MED21: variants seen among roughly 807,000 people sequenced by gnomAD.
MED21 encodes the protein mediator of RNA polymerase II transcription subunit 21.
A neutral mutation model predicts 18.2 loss-of-function variants in MED21; 9 were observed. The ratio of observed to expected loss-of-function variants is 0.49; its 90% confidence interval spans 0.30 to 0.86. The LOEUF (loss-of-function observed/expected upper bound fraction) is 0.86. Ranked by LOEUF, MED21 falls within the 40% of genes least tolerant of loss-of-function variation. The pLI is 0.07. For synonymous variants in MED21, 73 were observed against 60.5 expected, an observed-to-expected ratio of 1.21 and a Z score of -0.96; for missense variants, 150 against 170.9, an observed-to-expected ratio of 0.88 and a Z score of 0.68.
At chr12:27,025,108 T>G (rs1015813955) in intron 1 of MED21, among the ~76,000 whole-genome samples, 16 of 152,238 alleles carry the variant, frequency 1.1e-4, no homozygotes, top group African/African-American at 3.9e-4. Context: ...ATGGAAAAGA[T>G]AGACACTGTG....
chr12:27,036,725 G>T (rs1054733798), intron 2 of MED21, among the ~76,000 whole-genome samples: 1 of 152,114 alleles, frequency 6.6e-6, no homozygotes, highest in African/African-American at 2.4e-5. Flanking sequence ...TTTTTCTCAG[G>T]TTTGTCAAAG....
rs559859993 is a variant in MED21 at position 27,029,828 on chromosome 12, C to T, written c.*1367C>T. On this transcript the variant is annotated 3_prime_UTR_variant, in exon 4 of 4. Transcript: ENST00000282892. ...CAGTCAGAAAACTTATTCAAAGTACCTAAGTATTATAAAGGAGTCAAAAAG... is the reference window on the plus strand; with the variant it reads ...CAGTCAGAAAACTTATTCAAAGTACTTAAGTATTATAAAGGAGTCAAAAAG... The T allele has an allele frequency of 3.0e-6, 3 of 1,000,426 alleles. No homozygotes were observed. Among genetic ancestry groups the T allele is most frequent in the African/African-American group, 1.7e-5 (1 of 58,010 alleles). 62.0% of individuals were successfully genotyped at this position (1,000,426 alleles called of 1,614,324 possible). A position where few individuals can be genotyped will look rare whatever the true frequency, so the allele number is the denominator to read the frequency against.
chr12:27,023,300 CTTTTT>C (rs71437317), intron 1 of MED21, among the ~76,000 whole-genome samples: 23 of 110,438 alleles, frequency 2.1e-4, no homozygotes, highest in Non-Finnish European at 3.6e-4. Flanking sequence ...TTTTTCTTTT[CTTTTT>C]TTTTTTTTTT....
downstream of MED21, among the ~76,000 whole-genome samples, chr12:27,032,288 C>A (rs1318396036): frequency 6.6e-6 from 1 of 152,106 alleles, no homozygotes; most frequent in East Asian, 1.9e-4. Context: ...TGAATTTCAA[C>A]TTGGGGGCTG....
chr12:27,035,874 T>C (rs1357583078), intron 2 of MED21, among the ~76,000 whole-genome samples: 1 of 151,868 alleles, frequency 6.6e-6, no homozygotes, highest in Non-Finnish European at 1.5e-5. Flanking sequence ...GTCTTTGCTA[T>C]TGTGAATAGT....
At chr12:27,027,930 T>G (rs1941566257) in intron 3 of MED21, among the ~76,000 whole-genome samples, 1 of 152,226 alleles carries the variant, frequency 6.6e-6, no homozygotes, top group African/African-American at 2.4e-5. Context: ...ATAGCACCTT[T>G]TGTTATAATA....
At chr12:27,035,589 TC>T (rs1295400000), downstream of MED21, among the ~76,000 whole-genome samples, 1 of 61,140 alleles carries the variant, frequency 1.6e-5, no homozygotes, top group South Asian at 7.1e-4. Flanking sequence ...CCCTCCCCCC[TC>T]CCCCCACCCC....
At chr12:27,025,096 G>T (rs1004410511) in intron 1 of MED21, among the ~76,000 whole-genome samples, 1 of 152,186 alleles carries the variant, frequency 6.6e-6, no homozygotes, top group African/African-American at 2.4e-5. Flanking sequence ...AGCTTTTGAA[G>T]GATGGAAAAG....
Position 27,029,227 on chromosome 12 carries a change from G to T in MED21, c.*766G>T. On this transcript the variant is annotated 3_prime_UTR_variant, in exon 4 of 4. Coordinates refer to ENST00000282892, the MANE Select transcript of MED21 (RefSeq NM_004264.5). ...CTTTCTCATTCTCCATTTATCTGAAGGTTCTTTTGCCCTTATTAACCTCTC... is the reference window on the plus strand; with the variant it reads ...CTTTCTCATTCTCCATTTATCTGAATGTTCTTTTGCCCTTATTAACCTCTC... 1 of 985,050 alleles carries T rather than the reference G, an allele frequency of 1.0e-6. No individual in the cohort carries two copies. Among genetic ancestry groups the T allele is most frequent in the Non-Finnish European group, 1.2e-6 (1 of 829,844 alleles). 61.0% of individuals were successfully genotyped at this position (985,050 alleles called of 1,614,324 possible).
chr12:27,038,134 TATAAG>T (rs1301784386), intron 2 of MED21: 2 of 152,132 alleles, frequency 1.3e-5, no homozygotes, highest in Non-Finnish European at 1.5e-5. Flanking sequence ...AAATAAAAAT[TATAAG>T]ATAAAAAGGA....
chr12:27,025,458 AAAAT>A (rs1224479520), intron 1 of MED21, among the ~76,000 whole-genome samples: 1 of 152,218 alleles, frequency 6.6e-6, no homozygotes, highest in Admixed American at 6.5e-5. Flanking sequence ...TGATCAGGTT[AAAAT>A]AAATAACCTG....
rs2136490054 is a variant in MED21, at chr12:27,029,422, C to T, written c.*961C>T. On this transcript the variant is annotated 3_prime_UTR_variant, in exon 4 of 4. Transcript: ENST00000282892. ...TCTTTGAGTCTACTGATAATCTCCA[C>T]TGGAAAGGTGGAATTGAAATGTGGT... 2 of 985,428 alleles carry T rather than the reference C, an allele frequency of 2.0e-6. No individual in the cohort carries two copies. The highest frequency in any genetic ancestry group is 1.1e-4 in the East Asian group (1 of 8,822). 61.0% of individuals were successfully genotyped at this position (985,428 alleles called of 1,614,324 possible).
At position 27,030,261 on chromosome 12, in the gene MED21, C is replaced by A; in HGVS notation, c.*1800C>A. ...CCTCCCACTTCAGCCTCTTCAGTAA[C>A]TGGGACTACAGGCATGTACTACCAC... On this transcript the variant is annotated 3_prime_UTR_variant, in exon 4 of 4. Coordinates refer to ENST00000282892, the MANE Select transcript of MED21 (RefSeq NM_004264.5). The A allele has an allele frequency of 1.7e-6, 1 of 588,434 alleles. No homozygotes were observed. Among genetic ancestry groups the A allele is most frequent in the South Asian group, 2.0e-5 (1 of 49,276 alleles). The allele number at this position is 588,434 out of a possible 1,614,324, so 36.5% of individuals were successfully genotyped here. A position where few individuals can be genotyped will look rare whatever the true frequency, so the allele number is the denominator to read the frequency against.
At chr12:27,032,200 A>G (rs995791130), downstream of MED21, among the ~76,000 whole-genome samples, 1 of 152,204 alleles carries the variant, frequency 6.6e-6, no homozygotes, top group Non-Finnish European at 1.5e-5. Flanking sequence ...GAAAGGAGGA[A>G]TGAAAAGCTT....
At chr12:27,025,922 T>A (rs1941538766) in intron 1 of MED21, among the ~76,000 whole-genome samples, 1 of 152,218 alleles carries the variant, frequency 6.6e-6, no homozygotes, top group Non-Finnish European at 1.5e-5. Context: ...AAGGTGCTTT[T>A]CTGAGCAGCC....
chr12:27,024,816 C>G (rs1338377199), intron 1 of MED21, among the ~76,000 whole-genome samples: 1 of 152,122 alleles, frequency 6.6e-6, no homozygotes, highest in Non-Finnish European at 1.5e-5. Context: ...GATGGAAAAA[C>G]AGTATGTGGT....
At chr12:27,036,940 A>T (rs1329270858) in intron 2 of MED21, among the ~76,000 whole-genome samples, 1 of 152,196 alleles carries the variant, frequency 6.6e-6, no homozygotes, top group Non-Finnish European at 1.5e-5. Context: ...TTGGTTCCAT[A>T]TGAACTTTAA....
intron 2 of MED21, chr12:27,038,301 A>T (rs1003547980): frequency 6.6e-6 from 1 of 152,192 alleles, no homozygotes; most frequent in Non-Finnish European, 1.5e-5. Flanking sequence ...TTTCAGTGAC[A>T]TTAAATAATA....
intron 1 of MED21, among the ~76,000 whole-genome samples, chr12:27,023,404 A>G (rs1941502816): frequency 7.9e-6 from 1 of 126,856 alleles, no homozygotes. Context: ...GGTTCAAGCG[A>G]TTCTCCTGTC....
Sources: allele counts gnomAD v4.1 joint callset (sites outside exome capture counted in the v4.1 genomes callset), GRCh38; gene constraint gnomAD v4.1.1; transcripts MANE v1.5; gene names NCBI Gene and HGNC (gene_info 2026-07-23, HGNC 2026-07-21).